PDE10A: variants seen among roughly 807,000 people sequenced by gnomAD.
PDE10A encodes phosphodiesterase 10A, also known as cAMP and cAMP-inhibited cGMP 3',5'-cyclic phosphodiesterase 10A.
PDE10A carries 39 observed loss-of-function variants against 97.7 expected under a neutral mutation model. The ratio of observed to expected loss-of-function variants is 0.40; its 90% CI spans 0.31 to 0.52. The LOEUF (loss-of-function observed/expected upper bound fraction) is 0.52, where lower values mean the gene tolerates loss of function less well. Ranked by LOEUF, PDE10A falls within the 20% of genes least tolerant of loss-of-function variation. The pLI is 0.56. For missense variants in PDE10A, 731 were observed against 1,047.8 expected, an observed-to-expected ratio of 0.70 and a Z score of 4.17; for synonymous variants, 371 against 376.8, an observed-to-expected ratio of 0.98 and a Z score of 0.18.
chr6:165,857,101 T>C (rs373528185), intron 1 of PDE10A, among the ~76,000 whole-genome samples: 1 of 152,210 alleles, frequency 6.6e-6, no homozygotes, highest in Non-Finnish European at 1.5e-5. Context: ...TCCCTCACCT[T>C]GTTCTTTAGT....
At chr6:165,830,399 GA>G (rs753086243) in intron 1 of PDE10A, among the ~76,000 whole-genome samples, 1 of 151,956 alleles carries the variant, frequency 6.6e-6, no homozygotes, top group Non-Finnish European at 1.5e-5. Context: ...TTCTCCTCTA[GA>G]ATACATTCCA....
intron 1 of PDE10A, among the ~76,000 whole-genome samples, chr6:165,977,115 C>T (rs987768682): frequency 1.3e-5 from 2 of 152,188 alleles, no homozygotes; most frequent in Admixed American, 6.5e-5. Flanking sequence ...TTACACTTGT[C>T]CCTTTCTACT....
At chr6:165,451,588 C>T (rs1791295570) in intron 3 of PDE10A, among the ~76,000 whole-genome samples, 1 of 152,204 alleles carries the variant, frequency 6.6e-6, no homozygotes, top group African/African-American at 2.4e-5. Flanking sequence ...ACAACCCTGG[C>T]CATCTTTCTG....
At chr6:165,398,373 G>A (rs1254114673) in intron 13 of PDE10A, among the ~76,000 whole-genome samples, 4 of 151,954 alleles carry the variant, frequency 2.6e-5, no homozygotes, top group Admixed American at 2.6e-4. Context: ...CCTAGCTACT[G>A]GGGAGGCTGA....
At chr6:165,511,974 A>C (rs1387270646) in intron 2 of PDE10A, among the ~76,000 whole-genome samples, 1 of 151,908 alleles carries the variant, frequency 6.6e-6, no homozygotes, top group Admixed American at 6.6e-5. Context: ...TTTGTTTTCC[A>C]TTCAGCCAGT....
intron 18 of PDE10A, among the ~76,000 whole-genome samples, chr6:165,345,640 A>G (rs191856515): frequency 6.6e-6 from 1 of 152,220 alleles, no homozygotes; most frequent in Non-Finnish European, 1.5e-5. Flanking sequence ...TAGTCGCTAA[A>G]AACAATCAAG....
intron 1 of PDE10A, among the ~76,000 whole-genome samples, chr6:165,779,550 A>C (rs955776311): frequency 2.6e-5 from 4 of 152,224 alleles, no homozygotes; most frequent in African/African-American, 9.6e-5. Flanking sequence ...AACAAATGTA[A>C]TTTAATGCCT....
chr6:165,931,704 G>A (rs1562803835), intron 1 of PDE10A, among the ~76,000 whole-genome samples: 2 of 152,126 alleles, frequency 1.3e-5, no homozygotes, highest in African/African-American at 4.8e-5. Context: ...AGGTCTATGT[G>A]GAAAAGGTTC....
At chr6:165,516,675 C>T (rs1781828020) in intron 2 of PDE10A, among the ~76,000 whole-genome samples, 1 of 152,134 alleles carries the variant, frequency 6.6e-6, no homozygotes, top group Non-Finnish European at 1.5e-5. Context: ...GTGAAAGCTT[C>T]TGGGGCTTAT....
chr6:165,751,460 T>C (rs1396590532), intron 1 of PDE10A, among the ~76,000 whole-genome samples: 1 of 152,216 alleles, frequency 6.6e-6, no homozygotes, highest in African/African-American at 2.4e-5. Context: ...ACTGTGGCTC[T>C]GTGCTGCTCA....
intron 1 of PDE10A, among the ~76,000 whole-genome samples, chr6:165,710,251 C>A (rs185600725): frequency 6.6e-6 from 1 of 152,254 alleles, no homozygotes; most frequent in Non-Finnish European, 1.5e-5. Context: ...AATATGAACC[C>A]CTGGACACAA....
chr6:165,958,551 A>G lies in PDE10A; in HGVS notation c.-615+28978T>C, dbSNP rs28393141. ...AAAGAAAGAAAGAAAGAAAGAAAGA[A>G]AGAAAGAAAGAAAGACAGACAGAAA... On this transcript the variant is annotated intron_variant, in intron 1 of 19. Coordinates refer to the PDE10A transcript ENST00000366882. 7.2e-3 allele frequency among the ~76,000 whole-genome samples: 514 copies of G among 71,452 alleles called. 28 individuals carry two copies. The highest frequency in any genetic ancestry group is 0.024 in the African/African-American group (433 of 18,228). The allele number at this position is 71,452 out of a possible 152,430, so 46.9% of individuals were successfully genotyped here. A position where few individuals can be genotyped will look rare whatever the true frequency, so the allele number is the denominator to read the frequency against.
chr6:165,516,529 G>A (rs903874260), intron 2 of PDE10A, among the ~76,000 whole-genome samples: 1 of 152,048 alleles, frequency 6.6e-6, no homozygotes, highest in Non-Finnish European at 1.5e-5. Flanking sequence ...ATTTGATAGC[G>A]GTATTTGCCT....
At chr6:165,348,000 CCTTT>C (rs1304061106) in intron 18 of PDE10A, among the ~76,000 whole-genome samples, 2 of 151,868 alleles carry the variant, frequency 1.3e-5, no homozygotes, top group Non-Finnish European at 2.9e-5. Context: ...AATATTGTAC[CCTTT>C]CTTTGACGTG....
At chr6:165,579,545 G>A (rs998398878) in intron 1 of PDE10A, among the ~76,000 whole-genome samples, 27 of 152,200 alleles carry the variant, frequency 1.8e-4, no homozygotes, top group African/African-American at 6.5e-4. Flanking sequence ...ACCTAATCAT[G>A]TTTCACCTTC....
chr6:165,803,490 G>T (rs1389300605), intron 1 of PDE10A, among the ~76,000 whole-genome samples: 1 of 152,192 alleles, frequency 6.6e-6, no homozygotes, highest in African/African-American at 2.4e-5. Flanking sequence ...AAACTTAAGA[G>T]ACAAATGCAA....
In PDE10A at chr6:165,418,904, A is replaced by C; in HGVS notation, c.1654-127T>G. 1 of 675,594 alleles carries C rather than the reference A, an allele frequency of 1.5e-6. No individual in the cohort carries two copies. Among genetic ancestry groups the C allele is most frequent in the Non-Finnish European group, 2.5e-6 (1 of 398,020 alleles). 41.8% of individuals were successfully genotyped at this position (675,594 alleles called of 1,614,324 possible). On this transcript the variant is annotated intron_variant, in intron 10 of 21. Transcript: ENST00000539869. This position sits in a 1 kb window ranked among gnomAD's most constrained non-coding sequence, Gnocchi z 4.8. ...TCTAATTGGTTGGTATTAGCATTAT[A>C]AGTAAATAAATATACAAGTATATAA...
intron 1 of PDE10A, among the ~76,000 whole-genome samples, chr6:165,817,495 G>C (rs1232943201): frequency 2.0e-5 from 3 of 152,140 alleles, no homozygotes; most frequent in Non-Finnish European, 4.4e-5. Context: ...TGAGTACAAG[G>C]TTGGGTTGGG....
chr6:165,676,824 C>T (rs1449554678), intron 1 of PDE10A, among the ~76,000 whole-genome samples: 1 of 152,128 alleles, frequency 6.6e-6, no homozygotes, highest in Non-Finnish European at 1.5e-5. Context: ...GACTGGCGAG[C>T]GCCTCCCTTC....
Sources: allele counts gnomAD v4.1 joint callset (sites outside exome capture counted in the v4.1 genomes callset), GRCh38; gene constraint gnomAD v4.1.1; non-coding constraint Gnocchi (gnomAD v3.1); transcripts MANE v1.5; gene names NCBI Gene and HGNC (gene_info 2026-07-23, HGNC 2026-07-21).